Variants in ADRA1D observed in about 807,000 individuals in gnomAD.
The protein encoded by ADRA1D is adrenoceptor alpha 1D.
A neutral mutation model predicts 18.6 loss-of-function variants in ADRA1D; 22 were observed. The ratio of observed to expected loss-of-function variants is 1.19; its 90% confidence interval spans 0.85 to 1.69. The LOEUF (loss-of-function observed/expected upper bound fraction) is 1.69, where lower values mean the gene tolerates loss of function less well. Ranked by LOEUF, ADRA1D falls within the 40% of genes most tolerant of loss-of-function variation. The pLI is 0.00. For synonymous variants in ADRA1D, 376 were observed against 388.2 expected (o/e 0.97, Z 0.37); for missense variants, 840 against 840.7 (o/e 1.00, Z 0.01).
chr20:4,226,302 A>G (rs1980798478), intron 1 of ADRA1D, among the ~76,000 whole-genome samples: 1 of 152,250 alleles, frequency 6.6e-6, no homozygotes, highest in Non-Finnish European at 1.5e-5. Context: ...AGGTTTTCCC[A>G]CTGTATCCTG....
chr20:4,221,956 GGGC>G lies in ADRA1D; in HGVS notation c.1283_1285del (p.Arg428del), dbSNP rs750926930. 3.2e-6 allele frequency: 5 copies of G among 1,547,462 alleles called. No homozygotes were observed. The highest frequency in any genetic ancestry group is 4.4e-6 in the Non-Finnish European group (5 of 1,146,378). On this transcript the variant is annotated inframe_deletion, in exon 2 of 2. Coordinates refer to ENST00000379453, the MANE Select transcript of ADRA1D (RefSeq NM_000678.4). Reference sequence around the variant, plus strand: ...GTGGTGGCCGTAGACACGCCAGAGAGGGCGGCGGCGCCGGCGACGACGGCACTG... The same window carrying G: ...GTGGTGGCCGTAGACACGCCAGAGAGGGCGGCGCCGGCGACGACGGCACTG...
chr20:4,247,701 C>T (rs901548584), intron 1 of ADRA1D, 146 bp downstream of exon 1: 19 of 903,290 alleles, frequency 2.1e-5, no homozygotes, highest in Non-Finnish European at 2.7e-5. Flanking sequence ...CAAAATGGTG[C>T]ATGCACACCT....
intron 1 of ADRA1D, among the ~76,000 whole-genome samples, chr20:4,224,720 G>GGTAGGGA (rs1980753162): frequency 8.8e-6 from 1 of 113,212 alleles, no homozygotes; most frequent in Admixed American, 9.3e-5. Context: ...GGGGTAGGGG[G>GGTAGGGA]GGGTCCTTAA....
intron 1 of ADRA1D, among the ~76,000 whole-genome samples, chr20:4,229,711 C>T (rs146472431): frequency 3.2e-4 from 49 of 152,120 alleles, no homozygotes; most frequent in African/African-American, 1.2e-3. Flanking sequence ...ACTCAACCAC[C>T]CACCCTCAAT....
rs1981423176 is a variant in ADRA1D, at chr20:4,248,770, TCGCCGCTGCCTGCGCCCACCACGCCGC to T, written c.161_187del (p.Gly54_Gly62del). 4.4e-6 allele frequency: 6 copies of T among 1,356,312 alleles called. No homozygotes were observed. Among genetic ancestry groups the T allele is most frequent in the Non-Finnish European group, 5.7e-6 (6 of 1,056,446 alleles). 84.0% of individuals were successfully genotyped at this position (1,356,312 alleles called of 1,614,324 possible). A position where few individuals can be genotyped will look rare whatever the true frequency, so the allele number is the denominator to read the frequency against. ...CTCCCCCGCGGAGCTCCGGTTGTCCTCGCCGCTGCCTGCGCCCACCACGCCGCCGCCGCCGCCCGCGCCCCCCGGCAC... is the reference window on the plus strand; with the variant it reads ...CTCCCCCGCGGAGCTCCGGTTGTCCTCGCCGCCGCCCGCGCCCCCCGGCAC... On this transcript the variant is annotated inframe_deletion, in exon 1 of 2. Coordinates refer to ENST00000379453, the MANE Select transcript of ADRA1D (RefSeq NM_000678.4).
Position 4,231,020 on chromosome 20 carries a change from C to CTCTT in ADRA1D, c.1112-8894_1112-8891dup, listed in dbSNP as rs1304104206. On this transcript the variant is annotated intron_variant, in intron 1 of 1. Transcript: ENST00000379453. Reference sequence around the variant, plus strand: ...TTTCTTTCCTTCTTTGCTTTCTTTTCTCTTTCTCTTTCTTTCTTTTTCTTT... The same window carrying CTCTT: ...TTTCTTTCCTTCTTTGCTTTCTTTTCTCTTTCTTTCTCTTTCTTTCTTTTTCTTT... Among the ~76,000 whole-genome samples, 24 of 141,018 alleles carry CTCTT rather than the reference C, an allele frequency of 1.7e-4. No individual in the cohort carries two copies. In the East Asian group the frequency reaches 3.8e-3, roughly 22 times the overall value. 92.5% of individuals were successfully genotyped at this position (141,018 alleles called of 152,430 possible). A position where few individuals can be genotyped will look rare whatever the true frequency, so the allele number is the denominator to read the frequency against.
At position 4,248,331 on chromosome 20, in the gene ADRA1D, G is replaced by C; in HGVS notation, c.627C>G (p.Thr209=). Residue 209 remains threonine (T), a synonymous_variant, in exon 1 of 2, where the codon ACC becomes ACG. Transcript: ENST00000379453. ...CCAGGATGGCGGCCGCCTTGCGCTC[G>C]GTCATGATGGCTGGGTACTTGAGTG... ...RHSLKYPAIM[T]ERKAAAILAL... is the part of the protein sequence containing the mutation. 6.2e-7 allele frequency: 1 copy of C among 1,605,514 alleles called. No individual in the cohort carries two copies. Among genetic ancestry groups the C allele is most frequent in the Non-Finnish European group, 8.5e-7 (1 of 1,176,280 alleles).
chr20:4,248,038 T>C lies in ADRA1D; in HGVS notation c.920A>G (p.His307Arg). The C allele has an allele frequency of 6.4e-7, 1 of 1,551,364 alleles. No individual in the cohort carries two copies. The highest frequency in any genetic ancestry group is 2.4e-5 in the East Asian group (1 of 40,910). ...GGCGCCCGTGGCCGCGCCGCGACAGTGGATGCGCAGCACCACCTCGGAGGC... is the reference window on the plus strand; with the variant it reads ...GGCGCCCGTGGCCGCGCCGCGACAGCGGATGCGCAGCACCACCTCGGAGGC... ...GKASEVVLRI[H>R]CRGAATGADG... is the part of the protein sequence containing the mutation. The change falls in exon 1 of 2, where the codon CAC (histidine) becomes CGC (arginine). Residue 307 changes from histidine (H) to arginine (R), a missense_variant. By Grantham distance (29) the His-to-Arg change is conservative (BLOSUM62 0). Coordinates refer to ENST00000379453, the MANE Select transcript of ADRA1D (RefSeq NM_000678.4).
At chr20:4,225,149 G>C (rs1026499138) in intron 1 of ADRA1D, among the ~76,000 whole-genome samples, 1 of 151,480 alleles carries the variant, frequency 6.6e-6, no homozygotes, top group Non-Finnish European at 1.5e-5. Context: ...CTACAGGCAC[G>C]CACCACCATG....
In ADRA1D at chr20:4,248,982, G is replaced by A. The variant is rs1287106381; in HGVS notation, c.-25C>T. ...TCTCAACGCGCGGCCGTCGGTGGCC[G>A]GGCCGGGGCACAGAACGAGCGGCCG... On this transcript the variant is annotated 5_prime_UTR_variant, in exon 1 of 2. Transcript: ENST00000379453. 1.5e-6 allele frequency: 2 copies of A among 1,318,176 alleles called. No homozygotes were observed. The highest frequency in any genetic ancestry group is 1.6e-5 in the African/African-American group (1 of 63,746). 81.7% of individuals were successfully genotyped at this position (1,318,176 alleles called of 1,614,324 possible).
intron 1 of ADRA1D, among the ~76,000 whole-genome samples, chr20:4,243,849 G>A (rs1157219555): frequency 6.6e-6 from 1 of 152,196 alleles, no homozygotes; most frequent in Non-Finnish European, 1.5e-5. Context: ...CCTGCCTTGG[G>A]GACATGCTCT....
Position 4,247,840 on chromosome 20 carries a change from C to T in ADRA1D, c.1111+7G>A, listed in dbSNP as rs990917192. On this transcript the variant is annotated splice_region_variant and intron_variant, in intron 1 of 1. Coordinates refer to ENST00000379453, the MANE Select transcript of ADRA1D (RefSeq NM_000678.4). The stretch of plus-strand genomic sequence containing the variant: ...CAGGAGGGGCCGGTGGGAGAGGGGT[C>T]ACTCACCGAGCGGCAGGACAAAGAA... The T allele has an allele frequency of 5.2e-6, 8 of 1,525,890 alleles. No individual in the cohort carries two copies. The African/African-American group carries it at 1.1e-4, about 22-fold the overall frequency. 94.5% of individuals were successfully genotyped at this position (1,525,890 alleles called of 1,614,324 possible).
intron 1 of ADRA1D, among the ~76,000 whole-genome samples, chr20:4,242,857 G>GC (rs1981247793): frequency 2.7e-5 from 4 of 150,114 alleles, no homozygotes; most frequent in Non-Finnish European, 4.4e-5. Context: ...GGGTGGGGCT[G>GC]TTGTGTGTGT....
chr20:4,240,903 G>A (rs13038907), intron 1 of ADRA1D, among the ~76,000 whole-genome samples: 32,164 of 151,942 alleles, frequency 0.21, 4,042 homozygotes, highest in Non-Finnish European at 0.27. Context: ...GTACACAGGG[G>A]TTCATTATAC....
chr20:4,238,075 C>T (rs550597342), intron 1 of ADRA1D, among the ~76,000 whole-genome samples: 2 of 140,326 alleles, frequency 1.4e-5, no homozygotes, highest in Admixed American at 6.8e-5. Flanking sequence ...TGGTGAAACC[C>T]CCCCCGTCTC....
chr20:4,239,627 T>C lies in ADRA1D; in HGVS notation c.1111+8220A>G, dbSNP rs1568767619. 6.6e-6 allele frequency among the ~76,000 whole-genome samples: 1 copy of C among 152,194 alleles called. No individual in the cohort carries two copies. Among genetic ancestry groups the C allele is most frequent in the East Asian group, 1.9e-4 (1 of 5,180 alleles). ...AAGATGCTCCAGGTTCTGCCAAAGA[T>C]CTCAGAAGCCAACTGGAAGGAGTAC... On this transcript the variant is annotated intron_variant, in intron 1 of 1. Coordinates refer to ENST00000379453, the MANE Select transcript of ADRA1D (RefSeq NM_000678.4). The surrounding 1 kb of genome is among the most constrained non-coding windows in gnomAD (Gnocchi z 4.9).
intron 1 of ADRA1D, among the ~76,000 whole-genome samples, chr20:4,225,472 G>T (rs1332407068): frequency 8.0e-6 from 1 of 125,100 alleles, no homozygotes; most frequent in Non-Finnish European, 1.6e-5. Context: ...CCATCACCCA[G>T]GCTGGACTTC....
intron 1 of ADRA1D, among the ~76,000 whole-genome samples, chr20:4,231,020 CTCTT>C (rs1304104206): frequency 2.5e-4 from 35 of 141,016 alleles, no homozygotes; most frequent in African/African-American, 8.5e-4. Context: ...GCTTTCTTTT[CTCTT>C]TCTCTTTCTT....
chr20:4,224,659 G>C (rs992869499), intron 1 of ADRA1D, among the ~76,000 whole-genome samples: 6 of 146,464 alleles, frequency 4.1e-5, no homozygotes, highest in Non-Finnish European at 1.5e-5. Flanking sequence ...CGGGCCAGGG[G>C]TGTTCCATCC....
Sources: gnomAD v4.1 joint callset for allele counts (sites outside exome capture counted in the v4.1 genomes callset) on GRCh38, gnomAD v4.1.1 for gene constraint, Gnocchi (gnomAD v3.1) non-coding constraint, MANE v1.5 for transcripts, NCBI Gene and HGNC (gene_info 2026-07-23, HGNC 2026-07-21) for gene names.